Variants in CSMD1 observed in about 807,000 individuals in gnomAD.
CSMD1 encodes CUB and sushi domain-containing protein 1.
A neutral mutation model predicts 417.5 loss-of-function variants in CSMD1; 213 were observed. The observed-to-expected ratio is 0.51, with a 90% confidence interval of 0.46 to 0.57. CSMD1 has a LOEUF of 0.57. Ranked by LOEUF, CSMD1 falls within the 20% of genes least tolerant of loss-of-function variation. CSMD1 has a pLI of 0.00. For synonymous variants in CSMD1, 2,862 were observed against 1,736.8 expected, an observed-to-expected ratio of 1.65 and a Z score of -16.11; for missense variants, 6,923 against 4,529.7, an observed-to-expected ratio of 1.53 and a Z score of -15.17.
chr8:3,143,358 C>T (rs188012425), intron 40 of CSMD1, among the ~76,000 whole-genome samples: 14 of 152,164 alleles, frequency 9.2e-5, no homozygotes, highest in Admixed American at 5.2e-4. Context: ...TCTAATCAAC[C>T]GCACCATAAC....
At chr8:2,941,574 C>G (rs1303804796) in intron 69 of CSMD1, among the ~76,000 whole-genome samples, 1 of 152,150 alleles carries the variant, frequency 6.6e-6, no homozygotes, top group African/African-American at 2.4e-5. Context: ...TATAGTTCCT[C>G]CAAAATAATT....
chr8:4,901,284 G>C (rs1190632215), intron 1 of CSMD1, among the ~76,000 whole-genome samples: 1 of 152,104 alleles, frequency 6.6e-6, no homozygotes, highest in East Asian at 1.9e-4. Flanking sequence ...ACATTGTTAA[G>C]TTTGTGATAA....
At chr8:3,844,541 A>C (rs1281110679) in intron 5 of CSMD1, among the ~76,000 whole-genome samples, 1 of 152,200 alleles carries the variant, frequency 6.6e-6, no homozygotes, top group African/African-American at 2.4e-5. Flanking sequence ...ATTGTCACAG[A>C]GGGAAAAATT....
intron 4 of CSMD1, among the ~76,000 whole-genome samples, chr8:4,004,760 T>G (rs1412589684): frequency 3.3e-5 from 5 of 152,266 alleles, no homozygotes; most frequent in East Asian, 3.9e-4. Flanking sequence ...TTGTTTTGTT[T>G]TTGAGATGGC....
intron 12 of CSMD1, among the ~76,000 whole-genome samples, chr8:3,456,155 TA>T (rs1231161684): frequency 6.6e-6 from 1 of 152,174 alleles, no homozygotes; most frequent in Admixed American, 6.5e-5. Context: ...CTAAGACCTT[TA>T]GAAAAGCACA....
chr8:4,225,026 C>T (rs748934064), intron 3 of CSMD1, among the ~76,000 whole-genome samples: 4 of 152,136 alleles, frequency 2.6e-5, no homozygotes, highest in Non-Finnish European at 5.9e-5. Flanking sequence ...GCAAGACAAT[C>T]GCTTGAACCC....
chr8:4,358,495 C>T (rs571175979), intron 3 of CSMD1, among the ~76,000 whole-genome samples: 1 of 152,214 alleles, frequency 6.6e-6, no homozygotes, highest in African/African-American at 2.4e-5. Context: ...GTGTATGTCT[C>T]CTTTTGCGAT....
chr8:3,066,630 A>G (rs1487045398), intron 49 of CSMD1, among the ~76,000 whole-genome samples: 1 of 152,252 alleles, frequency 6.6e-6, no homozygotes, highest in Non-Finnish European at 1.5e-5. Context: ...TAGTAAAACA[A>G]TAATCACCTG....
chr8:4,874,083 G>T (rs1185635881), intron 1 of CSMD1, among the ~76,000 whole-genome samples: 2 of 152,072 alleles, frequency 1.3e-5, no homozygotes, highest in African/African-American at 4.8e-5. Flanking sequence ...ACATAGGCAA[G>T]CACCGCATCA....
chr8:4,055,584 A>C lies in CSMD1; in HGVS notation c.416-23485T>G, dbSNP rs950984013. ...AAAGAAGAAGAGTCAAAATCAGCTAAGATTTAATAACGTTAAGAATTTTAA... is the reference window on the plus strand; with the variant it reads ...AAAGAAGAAGAGTCAAAATCAGCTACGATTTAATAACGTTAAGAATTTTAA... On this transcript the variant is annotated intron_variant, in intron 3 of 69. Transcript: ENST00000635120. Among the ~76,000 whole-genome samples the C allele has an allele frequency of 2.0e-5, 3 of 152,180 alleles. No individual in the cohort carries two copies. In the East Asian group the frequency reaches 5.8e-4, roughly 29 times the overall value.
At chr8:3,522,919 A>T (rs1228817958) in intron 10 of CSMD1, among the ~76,000 whole-genome samples, 1 of 150,374 alleles carries the variant, frequency 6.7e-6, no homozygotes, top group Non-Finnish European at 1.5e-5. Flanking sequence ...CATGTATAAA[A>T]TATCAATATA....
In CSMD1 at chr8:4,196,431, C is replaced by G. The variant is rs116309200; in HGVS notation, c.416-164332G>C. Reference sequence around the variant, plus strand: ...AATCAAGGCGTTTTCAGGCTACAGTCCTTTCTGAAGCCTCTTAGGGAAAAT... The same window carrying G: ...AATCAAGGCGTTTTCAGGCTACAGTGCTTTCTGAAGCCTCTTAGGGAAAAT... On this transcript the variant is annotated intron_variant, in intron 3 of 69. Transcript: ENST00000635120. Among the ~76,000 whole-genome samples, 665 of 152,246 alleles carry G rather than the reference C, an allele frequency of 4.4e-3. 6 individuals are homozygous for G. The highest frequency in any genetic ancestry group is 0.014 in the African/African-American group (595 of 41,544).
intron 2 of CSMD1, among the ~76,000 whole-genome samples, chr8:4,586,490 C>A (rs1390743678): frequency 6.6e-6 from 1 of 152,166 alleles, no homozygotes; most frequent in East Asian, 1.9e-4. Context: ...AAAAATCACA[C>A]CTAGTTCCTT....
Position 4,552,210 on chromosome 8 carries a change from T to A in CSMD1, c.302+85132A>T, listed in dbSNP as rs190632133. 5.3e-5 allele frequency among the ~76,000 whole-genome samples: 8 copies of A among 152,312 alleles called. No individual in the cohort carries two copies. The East Asian group carries it at 1.4e-3, about 26-fold the overall frequency. On this transcript the variant is annotated intron_variant, in intron 2 of 69. Coordinates refer to ENST00000635120, the MANE Select transcript of CSMD1 (RefSeq NM_033225.6). ...TACAAAGCATGCTATTCTATGTAGC[T>A]TGGTCTCAATGTGAGCCTCCCTTTC...
chr8:3,139,382 T>C (rs1025831713), intron 41 of CSMD1, among the ~76,000 whole-genome samples: 1 of 152,102 alleles, frequency 6.6e-6, no homozygotes, highest in East Asian at 1.9e-4. Context: ...GATAGCAGAA[T>C]AACCCAGAGA....
intron 2 of CSMD1, among the ~76,000 whole-genome samples, chr8:4,510,369 A>G (rs1414834939): frequency 8.2e-6 from 1 of 121,942 alleles, no homozygotes; most frequent in Non-Finnish European, 1.7e-5. Context: ...TTTTTTGTAG[A>G]CAATTAAAAA....
chr8:4,694,654 C>T (rs1026550236), intron 1 of CSMD1, among the ~76,000 whole-genome samples: 2 of 152,028 alleles, frequency 1.3e-5, no homozygotes, highest in Non-Finnish European at 2.9e-5. Context: ...TGAGTCACCG[C>T]GCCCAGCCCA....
chr8:4,759,400 A>G (rs1237791087), intron 1 of CSMD1, among the ~76,000 whole-genome samples: 2 of 152,182 alleles, frequency 1.3e-5, no homozygotes, highest in Non-Finnish European at 2.9e-5. Flanking sequence ...ATGGCATCTG[A>G]GCATCTCTGA....
intron 1 of CSMD1, among the ~76,000 whole-genome samples, chr8:4,661,248 G>C (rs1354076976): frequency 2.6e-5 from 4 of 152,214 alleles, no homozygotes; most frequent in East Asian, 3.9e-4. Flanking sequence ...TAAATAAATT[G>C]TGTTACATCC....
Sources: gnomAD v4.1 joint callset for allele counts (sites outside exome capture counted in the v4.1 genomes callset) on GRCh38, gnomAD v4.1.1 for gene constraint, MANE v1.5 for transcripts, NCBI Gene and HGNC (gene_info 2026-07-23, HGNC 2026-07-21) for gene names.